Variants in PRPF8 observed in about 807,000 individuals in gnomAD.
PRPF8 encodes the protein pre-mRNA-processing-splicing factor 8.
A neutral mutation model predicts 285.9 loss-of-function variants in PRPF8; 64 were observed. The ratio of observed to expected loss-of-function variants is 0.22; its 90% CI spans 0.18 to 0.28. The LOEUF (loss-of-function observed/expected upper bound fraction) is 0.28. Ranked by LOEUF, PRPF8 falls within the 10% of genes least tolerant of loss-of-function variation. The probability of loss-of-function intolerance (pLI) is 1.00; values close to 1 mark genes in which losing one functional copy is unlikely to be tolerated. For missense variants in PRPF8, 1,426 were observed against 3,026.7 expected, an observed-to-expected ratio of 0.47 and a Z score of 12.41; for synonymous variants, 1,325 against 1,118.2, an observed-to-expected ratio of 1.18 and a Z score of -3.69.
Position 1,656,406 on chromosome 17 carries a change from T to C in PRPF8, c.5779A>G (p.Ile1927Val), listed in dbSNP as rs1911392595. Reference sequence around the variant, plus strand: ...GAGGTTCATACCGTGTAAGATGAAATAGTCTTGAGCCAGTCGTCATAGAGG... The same window carrying C: ...GAGGTTCATACCGTGTAAGATGAAACAGTCTTGAGCCAGTCGTCATAGAGG... ...FNLYDDWLKT[I>V]SSYTAFSRLI... is the part of the protein sequence containing the mutation. Residue 1927 changes from isoleucine (I) to valine (V), a missense_variant, in exon 36 of 43, where the codon ATT becomes GTT. Physicochemically the swap from Ile to Val is conservative, Grantham distance 29. This residue lies in a region of PRPF8 where 29 missense variants were observed against 86.4 expected (regional missense o/e 0.34). Transcript: ENST00000304992. 4 of 1,614,034 alleles carry C rather than the reference T, an allele frequency of 2.5e-6. No individual in the cohort carries two copies. Among genetic ancestry groups the C allele is most frequent in the African/African-American group, 1.3e-5 (1 of 74,904 alleles).
chr17:1,653,477 G>A lies in PRPF8; in HGVS notation c.6369+65C>T. ...CATCTCAAGTTCCAGACAATCTCAGGTCTGAGTTTTAGGCACAAAATGAGT... is the reference window on the plus strand; with the variant it reads ...CATCTCAAGTTCCAGACAATCTCAGATCTGAGTTTTAGGCACAAAATGAGT... On this transcript the variant is annotated intron_variant, in intron 39 of 42. Transcript: ENST00000304992. This position sits in a 1 kb window ranked among gnomAD's most constrained non-coding sequence, Gnocchi z 4.9. The A allele has an allele frequency of 6.3e-7, 1 of 1,594,266 alleles. No homozygotes were observed. The highest frequency in any genetic ancestry group is 8.6e-7 in the Non-Finnish European group (1 of 1,162,048).
At position 1,684,828 on chromosome 17, in the gene PRPF8, G is replaced by A. The variant is rs776582746; in HGVS notation, c.-60C>T. On this transcript the variant is annotated 5_prime_UTR_variant, in exon 1 of 43. Coordinates refer to ENST00000304992, the MANE Select transcript of PRPF8 (RefSeq NM_006445.4). ...CCGCTTTCCCCGCAGCGCAATGGCGGCCAGACTGCGTCCGCTCCGCGTTCC... is the reference window on the plus strand; with the variant it reads ...CCGCTTTCCCCGCAGCGCAATGGCGACCAGACTGCGTCCGCTCCGCGTTCC... 1.1e-4 allele frequency: 68 copies of A among 597,082 alleles called. No individual in the cohort carries two copies. Among genetic ancestry groups the A allele is most frequent in the Admixed American group, 3.0e-4 (10 of 33,728 alleles). The allele number at this position is 597,082 out of a possible 1,614,324, so 37.0% of individuals were successfully genotyped here.
chr17:1,656,834 G>A, intron 34 of PRPF8, 73 bp from the exon 35 acceptor site: 1 of 1,299,634 alleles, frequency 7.7e-7, no homozygotes, highest in Non-Finnish European at 1.1e-6. Flanking sequence ...GAATATCCTA[G>A]TTTTGAAATA....
intron 37 of PRPF8, 92 bp downstream of exon 37, chr17:1,655,258 T>C: frequency 6.8e-6 from 10 of 1,475,920 alleles, no homozygotes; most frequent in Non-Finnish European, 9.3e-6. Context: ...GCGCCTGGCC[T>C]TCTTGAGAAA....
intron 6 of PRPF8, 138 bp from the exon 7 acceptor site, chr17:1,681,192 C>T (rs1469996852): frequency 4.1e-6 from 4 of 985,430 alleles, no homozygotes; most frequent in Non-Finnish European, 6.3e-6. Context: ...AATCCTCCCA[C>T]AGCTCAGCTT....
chr17:1,655,786 C>T (rs2151112697), intron 36 of PRPF8, among the ~76,000 whole-genome samples: 1 of 151,668 alleles, frequency 6.6e-6, no homozygotes, highest in Admixed American at 6.6e-5. Flanking sequence ...GCCACCACGC[C>T]CGGCTAATTT....
intron 35 of PRPF8, 41 bp from the exon 36 acceptor site, chr17:1,656,606 G>A (rs1335251839): frequency 6.2e-7 from 1 of 1,613,816 alleles, no homozygotes; most frequent in Non-Finnish European, 8.5e-7. Flanking sequence ...CAGCCTGAAG[G>A]TCTCAAGGTC....
At chr17:1,670,756 G>C (rs778515440) in intron 24 of PRPF8, among the ~76,000 whole-genome samples, 26 of 152,080 alleles carry the variant, frequency 1.7e-4, no homozygotes, top group Admixed American at 9.8e-4. Context: ...CAAAGTGCTG[G>C]GATTACAGGC....
chr17:1,681,339 C>G lies in PRPF8; in HGVS notation c.866+139G>C, dbSNP rs540137899. Reference sequence around the variant, plus strand: ...CAAGCAATCCTCCTGCCTCAGCTTCCCAAAGTGCTGAGATTACAGCGTGAG... The same window carrying G: ...CAAGCAATCCTCCTGCCTCAGCTTCGCAAAGTGCTGAGATTACAGCGTGAG... On this transcript the variant is annotated intron_variant, in intron 6 of 42. Coordinates refer to ENST00000304992, the MANE Select transcript of PRPF8 (RefSeq NM_006445.4). 4.6e-5 allele frequency: 51 copies of G among 1,102,720 alleles called. 2 individuals carry two copies. Among genetic ancestry groups the G allele is most frequent in the South Asian group, 4.5e-4 (35 of 78,556 alleles). The allele number at this position is 1,102,720 out of a possible 1,614,324, so 68.3% of individuals were successfully genotyped here.
intron 24 of PRPF8, among the ~76,000 whole-genome samples, chr17:1,665,246 AAG>A (rs1002731596): frequency 1.3e-5 from 2 of 151,314 alleles, no homozygotes; most frequent in African/African-American, 4.9e-5. Flanking sequence ...CTATTAGAAA[AAG>A]AGAAAGGTTG....
At position 1,673,770 on chromosome 17, in the gene PRPF8, C is replaced by T. The variant is rs1322560435; in HGVS notation, c.3422G>A (p.Arg1141His). 6.2e-7 allele frequency: 1 copy of T among 1,614,086 alleles called. No individual in the cohort carries two copies. Among genetic ancestry groups the T allele is most frequent in the South Asian group, 1.1e-5 (1 of 91,072 alleles). Residue 1141 changes from arginine (R) to histidine (H), a missense_variant, in exon 22 of 43, where the codon CGC (arginine) becomes CAC (histidine). By Grantham distance (29) the Arg-to-His change is conservative (BLOSUM62 0). Around this residue, in one of 34 missense-constraint regions of PRPF8, gnomAD observed 148 missense variants for 196.2 expected, o/e 0.75. Coordinates refer to ENST00000304992, the MANE Select transcript of PRPF8 (RefSeq NM_006445.4). This position sits in a 1 kb window ranked among gnomAD's most constrained non-coding sequence, Gnocchi z 5.5. The part of the protein sequence containing the change: ...KKCWPRDARM[R>H]LMKHDVNLGR... The stretch of plus-strand genomic sequence containing the variant: ...CAAGTTAACATCATGTTTCATGAGG[C>T]GCATGCGGGCATCTCGGGGCCAGCA...
In PRPF8 at chr17:1,651,696, G is replaced by A; in HGVS notation, c.6462C>T (p.His2154=). Residue 2154 remains histidine, a synonymous_variant, in exon 40 of 43, where the codon CAC becomes CAT. Transcript: ENST00000304992. The surrounding 1 kb of genome is among the most constrained non-coding windows in gnomAD (Gnocchi z 5.1). ...GCTGGCCAGGCAGGTGCACGGTCTG[G>A]TGAGTGCCCCACTGCGGCACCATCA... The part of the protein sequence containing the change: ...CIVMVPQWGT[H]QTVHLPGQLP... 2 of 1,614,168 alleles carry A rather than the reference G, an allele frequency of 1.2e-6. No homozygotes were observed. Among genetic ancestry groups the A allele is most frequent in the Non-Finnish European group, 1.7e-6 (2 of 1,180,048 alleles).
chr17:1,654,958 CTTTTT>C (rs922886665), intron 37 of PRPF8: 98 of 158,992 alleles, frequency 6.2e-4, no homozygotes, highest in South Asian at 1.9e-3. Flanking sequence ...TGAGAAACGT[CTTTTT>C]TTTTTTTTTT....
intron 30 of PRPF8, 64 bp downstream of exon 30, chr17:1,660,368 C>T: frequency 1.7e-5 from 27 of 1,610,198 alleles, no homozygotes; most frequent in Non-Finnish European, 2.1e-5. Flanking sequence ...GTACAGTACC[C>T]TCTCCCCTCA....
Position 1,651,389 on chromosome 17 carries a change from T to C in PRPF8, c.6650+25A>G. 1 of 1,614,018 alleles carries C rather than the reference T, an allele frequency of 6.2e-7. No individual in the cohort carries two copies. Among genetic ancestry groups the C allele is most frequent in the Non-Finnish European group, 8.5e-7 (1 of 1,179,982 alleles). On this transcript the variant is annotated intron_variant, in intron 41 of 42. Coordinates refer to ENST00000304992, the MANE Select transcript of PRPF8 (RefSeq NM_006445.4). This position sits in a 1 kb window ranked among gnomAD's most constrained non-coding sequence, Gnocchi z 5.1. ...GCCTGCAATCCCTGCCCCACCATAC[T>C]TCCTCCCAAGGAGCCCAGGCCCACC...
Position 1,651,506 on chromosome 17 carries a change from C to G in PRPF8, c.6558G>C (p.Pro2186=). ...GWIHTQPNES[P]QLSPQDVTTH... ...TGGTGACATCCTGGGGTGATAACTG[C>G]GGGGACTCATTGGGCTGAGTGTGGA... is the stretch of plus-strand genomic sequence containing the variant. Residue 2186 remains proline, a synonymous_variant, in exon 41 of 43, where the codon CCG becomes CCC. Transcript: ENST00000304992. This position sits in a 1 kb window ranked among gnomAD's most constrained non-coding sequence, Gnocchi z 5.1. 6.2e-7 allele frequency: 1 copy of G among 1,614,102 alleles called. No homozygotes were observed. The highest frequency in any genetic ancestry group is 8.5e-7 in the Non-Finnish European group (1 of 1,180,012).
chr17:1,681,592 T>C lies in PRPF8; in HGVS notation c.752A>G (p.Asp251Gly). 6.2e-7 allele frequency: 1 copy of C among 1,613,996 alleles called. No homozygotes were observed. The change falls in exon 6 of 43, where the codon GAT becomes GGT. Residue 251 changes from aspartate (D) to glycine (G), a missense_variant. Asp to Gly is a moderately conservative substitution (Grantham distance 94). Coordinates refer to ENST00000304992, the MANE Select transcript of PRPF8 (RefSeq NM_006445.4). ...LANQLLTDLV[D>G]DNYFYLFDLK... ...ATCAAACAGGTAGAAGTAGTTGTCA[T>C]CCACCAAGTCTGTCAGGAGCTGATT... is the stretch of plus-strand genomic sequence containing the variant.
chr17:1,684,416 C>T, intron 2 of PRPF8, 56 bp downstream of exon 2: 2 of 1,586,668 alleles, frequency 1.3e-6, no homozygotes, highest in Admixed American at 1.7e-5. Flanking sequence ...CCCGCCTGCG[C>T]GCGCGCACAC....
intron 24 of PRPF8, among the ~76,000 whole-genome samples, chr17:1,665,944 T>A (rs2151119729): frequency 6.7e-6 from 1 of 148,452 alleles, no homozygotes; most frequent in African/African-American, 2.5e-5. Context: ...GCTGATCAGG[T>A]GGTGGTCAGG....
Sources: allele counts gnomAD v4.1 joint callset (sites outside exome capture counted in the v4.1 genomes callset), GRCh38; gene constraint gnomAD v4.1.1; regional missense constraint gnomAD v4.1.1; non-coding constraint Gnocchi (gnomAD v3.1); transcripts MANE v1.5; gene names NCBI Gene and HGNC (gene_info 2026-07-23, HGNC 2026-07-21).